DMD: variants seen among roughly 807,000 people sequenced by gnomAD.
The protein encoded by DMD is dystrophin, also known as mutant dystrophin.
In DMD, 63 loss-of-function variants were observed where a neutral mutation model predicts 330.1. That is an observed-to-expected ratio of 0.19 (90% CI 0.16 to 0.24). The LOEUF is 0.24. Among genes scored for constraint, DMD ranks in the 10% least tolerant of loss-of-function variants. DMD has a pLI of 1.00. For missense variants in DMD, 3,344 were observed against 2,684.1 expected (o/e 1.25, Z -5.43); for synonymous variants, 1,223 against 959.8 (o/e 1.27, Z -5.07).
At chrX:32,438,116 G>T in intron 29 of DMD, 125 bp downstream of exon 29, 1 of 715,831 alleles carries the variant, frequency 1.4e-6, no homozygotes, top group Non-Finnish European at 2.1e-6. Context: ...GTCTGGCATT[G>T]GATTGTCTCT....
At chrX:32,992,247 G>A (rs935014518) in intron 2 of DMD, among the ~76,000 whole-genome samples, 2 of 111,824 alleles carry the variant, frequency 1.8e-5, no homozygotes, top group African/African-American at 6.5e-5. Context: ...CAGCAGTGAT[G>A]CAAATGAATT....
rs180765279 is a variant in DMD, at chrX:33,294,640, G to A, written c.7+44619C>T. 5.7e-3 allele frequency among the ~76,000 whole-genome samples: 587 copies of A among 102,402 alleles called. 3 individuals are homozygous for A. Among genetic ancestry groups the A allele is most frequent in the Non-Finnish European group, 8.0e-3 (401 of 50,034 alleles). 88.9% of individuals were successfully genotyped at this position (102,402 alleles called of 115,157 possible). On this transcript the variant is annotated intron_variant, in intron 1 of 17. Coordinates refer to the DMD transcript ENST00000288447. ...ACTAGGTAGTAAAATGTTTACTACC[G>A]AAAAAAAAAACTTTTGCCAAAATGT...
chrX:32,242,128 C>A (rs73619042), intron 43 of DMD, among the ~76,000 whole-genome samples: 1 of 112,109 alleles, frequency 8.9e-6, no homozygotes, highest in Non-Finnish European at 1.9e-5. Context: ...GTAACTGCAA[C>A]AAGAACTGTC....
At chrX:32,977,976 G>A (rs942630656) in intron 2 of DMD, among the ~76,000 whole-genome samples, 2 of 111,863 alleles carry the variant, frequency 1.8e-5, no homozygotes, top group Non-Finnish European at 3.8e-5. Flanking sequence ...TAAAACTTGA[G>A]AGGAAATACC....
At chrX:31,212,664 A>C (rs73617059) in intron 64 of DMD, among the ~76,000 whole-genome samples, 81 of 111,770 alleles carry the variant, frequency 7.2e-4, no homozygotes, top group African/African-American at 2.5e-3. Flanking sequence ...TCTTAGAGCC[A>C]GAAGGTTGCT....
intron 9 of DMD, among the ~76,000 whole-genome samples, chrX:32,681,800 G>T (rs2062444713): frequency 8.9e-6 from 1 of 111,947 alleles, no homozygotes; most frequent in African/African-American, 3.2e-5. Context: ...TAACTACAAT[G>T]AGGAAAAAAA....
intron 7 of DMD, among the ~76,000 whole-genome samples, chrX:32,737,285 A>C (rs2068642764): frequency 9.0e-6 from 1 of 111,342 alleles, no homozygotes; most frequent in East Asian, 2.8e-4. Flanking sequence ...CAGATTTCAA[A>C]CTCCATTTTA....
chrX:33,123,084 T>C (rs753151906), intron 1 of DMD, among the ~76,000 whole-genome samples: 117 of 112,269 alleles, frequency 1.0e-3, no homozygotes, highest in African/African-American at 3.6e-3. Flanking sequence ...ATATTTACCA[T>C]TGTGCTACAG....
rs1336576913 is a variant in DMD at position 31,333,102 on chromosome X, G to C, written c.9164-9444C>G. On this transcript the variant is annotated intron_variant, in intron 61 of 78. Transcript: ENST00000357033. ...CTCAGAGTAATAAAACATGAACGGA[G>C]ACAAATCTTCCTCTTGGCATTCTGA... 2.7e-5 allele frequency among the ~76,000 whole-genome samples: 3 copies of C among 111,628 alleles called. No individual in the cohort carries two copies. In the East Asian group the frequency reaches 8.4e-4, roughly 31 times the overall value.
intron 1 of DMD, among the ~76,000 whole-genome samples, chrX:33,137,416 G>A (rs1265407054): frequency 3.6e-5 from 4 of 111,788 alleles, no homozygotes; most frequent in Non-Finnish European, 5.6e-5. Context: ...CACTAGGAAC[G>A]GACAAATTAG....
intron 1 of DMD, among the ~76,000 whole-genome samples, chrX:33,326,756 G>C (rs773431496): frequency 6.6e-4 from 74 of 111,911 alleles, no homozygotes; most frequent in Non-Finnish European, 1.1e-3. Context: ...TAGCAGCCTT[G>C]TGAAGGGTAA....
intron 63 of DMD, among the ~76,000 whole-genome samples, chrX:31,242,424 A>T (rs2048421381): frequency 9.1e-6 from 1 of 110,097 alleles, no homozygotes; most frequent in South Asian, 4.0e-4. Context: ...GTATTACAAA[A>T]TTTCTTCCTA....
chrX:32,443,428 A>T (rs1391674819), intron 27 of DMD, among the ~76,000 whole-genome samples: 1 of 111,249 alleles, frequency 9.0e-6, no homozygotes, highest in Non-Finnish European at 1.9e-5. Context: ...AATCTGGGTC[A>T]TTTCCAGCTC....
chrX:31,789,299 G>A (rs5927041), intron 50 of DMD, among the ~76,000 whole-genome samples: 13,470 of 109,731 alleles, frequency 0.12, 591 homozygotes, highest in East Asian at 0.19. Context: ...TACATCTTAC[G>A]TAAGGGTTTT....
intron 67 of DMD, among the ~76,000 whole-genome samples, chrX:31,187,860 G>T (rs150542004): frequency 0.018 from 1,962 of 109,748 alleles, 44 homozygotes; most frequent in African/African-American, 0.062. Context: ...CTCGCATAGG[G>T]GCCTGTGACC....
At chrX:32,572,235 CAA>C (rs751403970) in intron 15 of DMD, among the ~76,000 whole-genome samples, 1 of 109,465 alleles carries the variant, frequency 9.1e-6, no homozygotes, top group Non-Finnish European at 1.9e-5. Context: ...ATTTATGGAG[CAA>C]AAAAAATGTA....
chrX:33,332,497 G>A (rs778464815), intron 1 of DMD, among the ~76,000 whole-genome samples: 1 of 111,472 alleles, frequency 9.0e-6, no homozygotes, highest in Non-Finnish European at 1.9e-5. Context: ...AAATACACAT[G>A]AGAGCTTTAT....
intron 44 of DMD, among the ~76,000 whole-genome samples, chrX:31,999,571 T>A (rs189360768): frequency 8.9e-6 from 1 of 111,829 alleles, no homozygotes; most frequent in African/African-American, 3.2e-5. Flanking sequence ...GACTATTACC[T>A]TACTGTTGTT....
intron 1 of DMD, among the ~76,000 whole-genome samples, chrX:33,089,573 A>G (rs1370698161): frequency 2.7e-5 from 3 of 111,153 alleles, no homozygotes; most frequent in Non-Finnish European, 5.7e-5. Flanking sequence ...AGGAGATACA[A>G]TGTGACTCTC....
Sources: gnomAD v4.1 joint callset for allele counts (sites outside exome capture counted in the v4.1 genomes callset) on GRCh38, gnomAD v4.1.1 for gene constraint, MANE v1.5 for transcripts, NCBI Gene and HGNC (gene_info 2026-07-23, HGNC 2026-07-21) for gene names.